Variants in GPR158 observed in about 807,000 individuals in gnomAD.
GPR158 encodes G protein-coupled receptor 158.
Under a neutral mutation model 78.2 loss-of-function variants are expected in GPR158, and 30 were observed. The observed-to-expected ratio is 0.38, with a 90% CI of 0.29 to 0.52. GPR158 has a LOEUF of 0.52. Among genes scored for constraint, GPR158 ranks in the 20% least tolerant of loss-of-function variants. GPR158 has a pLI of 0.83. For synonymous variants in GPR158, 581 were observed against 591.1 expected (o/e 0.98, Z 0.25); for missense variants, 1,463 against 1,523.5 (o/e 0.96, Z 0.66).
chr10:25,353,828 T>A (rs764918349), intron 2 of GPR158, among the ~76,000 whole-genome samples: 10 of 152,202 alleles, frequency 6.6e-5, no homozygotes, highest in African/African-American at 1.9e-4. Context: ...AACCTTGTAA[T>A]TGGAGAATTG....
rs555277200 is a variant in GPR158 at position 25,385,934 on chromosome 10, A to G, written c.1009-9977A>G. 7.2e-5 allele frequency among the ~76,000 whole-genome samples: 11 copies of G among 152,178 alleles called. No homozygotes were observed. The East Asian group carries it at 2.1e-3, about 29-fold the overall frequency. On this transcript the variant is annotated intron_variant, in intron 2 of 10. Coordinates refer to ENST00000376351, the MANE Select transcript of GPR158 (RefSeq NM_020752.3). Reference sequence around the variant, plus strand: ...CTTTTCATTCTGTTGATTGTATTGCATTCTTTGATGCAAATAAGTTTTTAA... The same window carrying G: ...CTTTTCATTCTGTTGATTGTATTGCGTTCTTTGATGCAAATAAGTTTTTAA...
intron 6 of GPR158, among the ~76,000 whole-genome samples, chr10:25,555,165 A>G (rs567252197): frequency 4.4e-4 from 67 of 152,154 alleles, no homozygotes; most frequent in Non-Finnish European, 7.2e-4. Context: ...TGATGCCTCC[A>G]GCTTTGTTCT....
chr10:25,370,354 C>T (rs374756004), intron 2 of GPR158, among the ~76,000 whole-genome samples: 4 of 140,638 alleles, frequency 2.8e-5, no homozygotes, highest in East Asian at 2.0e-4. Context: ...TCCCAGAGAT[C>T]CTGGTATGTT....
chr10:25,334,490 C>T (rs1855170867), intron 2 of GPR158, among the ~76,000 whole-genome samples: 1 of 151,978 alleles, frequency 6.6e-6, no homozygotes, highest in Non-Finnish European at 1.5e-5. Flanking sequence ...CATCAGGAGT[C>T]CAAGTAAGTC....
chr10:25,531,422 A>G (rs999805269), intron 5 of GPR158, among the ~76,000 whole-genome samples: 9 of 152,240 alleles, frequency 5.9e-5, no homozygotes, highest in African/African-American at 2.2e-4. Context: ...GAGGAAGACT[A>G]AAAATATGTG....
intron 4 of GPR158, among the ~76,000 whole-genome samples, chr10:25,416,641 G>A (rs547906384): frequency 6.6e-6 from 1 of 152,150 alleles, no homozygotes; most frequent in Non-Finnish European, 1.5e-5. Flanking sequence ...TTGTAATATA[G>A]GAATAAGTTT....
At chr10:25,177,115 T>C (rs1391696492) in intron 1 of GPR158, among the ~76,000 whole-genome samples, 1 of 152,218 alleles carries the variant, frequency 6.6e-6, no homozygotes. Context: ...GAGGCATCAG[T>C]TGTGACTGAA....
At chr10:25,353,487 GAA>G (rs35135416) in intron 2 of GPR158, among the ~76,000 whole-genome samples, 14,246 of 148,308 alleles carry the variant, frequency 0.096, 1,624 homozygotes, top group African/African-American at 0.28. Flanking sequence ...AATAATAAAA[GAA>G]AAAAAAAATT....
intron 2 of GPR158, among the ~76,000 whole-genome samples, chr10:25,271,462 C>T (rs1004683741): frequency 2.0e-5 from 3 of 152,144 alleles, no homozygotes; most frequent in Admixed American, 2.0e-4. Flanking sequence ...TTACAGGAAG[C>T]CATCTTATTG....
intron 5 of GPR158, among the ~76,000 whole-genome samples, chr10:25,530,542 G>C (rs1387680995): frequency 1.3e-5 from 2 of 152,212 alleles, no homozygotes; most frequent in African/African-American, 4.8e-5. Context: ...GTGTGCTGCA[G>C]CAGGAGTGCT....
intron 2 of GPR158, among the ~76,000 whole-genome samples, chr10:25,316,135 G>A (rs950621723): frequency 6.6e-6 from 1 of 151,996 alleles, no homozygotes; most frequent in Non-Finnish European, 1.5e-5. Flanking sequence ...AACTTATTTG[G>A]TCTTTTTCCT....
At chr10:25,310,683 A>G (rs112760833) in intron 2 of GPR158, among the ~76,000 whole-genome samples, 2,426 of 152,224 alleles carry the variant, frequency 0.016, 70 homozygotes, top group African/African-American at 0.055. Context: ...AGTTAAATAT[A>G]TATCTTTCAA....
intron 2 of GPR158, among the ~76,000 whole-genome samples, chr10:25,248,328 C>A (rs1853732861): frequency 6.6e-6 from 1 of 152,088 alleles, no homozygotes; most frequent in South Asian, 2.1e-4. Context: ...TAATTAGATC[C>A]CATTTGTCAA....
At chr10:25,553,135 G>C (rs1482655809) in intron 6 of GPR158, among the ~76,000 whole-genome samples, 1 of 152,038 alleles carries the variant, frequency 6.6e-6, no homozygotes, top group African/African-American at 2.4e-5. Context: ...TGATAAGGTA[G>C]TGATATAAAG....
At chr10:25,573,171 A>C (rs187962264) in intron 7 of GPR158, among the ~76,000 whole-genome samples, 174 of 152,338 alleles carry the variant, frequency 1.1e-3, no homozygotes, top group African/African-American at 4.0e-3. Flanking sequence ...TAAAGAGCTT[A>C]CTTTTCTCAT....
chr10:25,421,772 G>A (rs1317114037), intron 4 of GPR158, among the ~76,000 whole-genome samples: 1 of 151,846 alleles, frequency 6.6e-6, no homozygotes, highest in Non-Finnish European at 1.5e-5. Context: ...TAAAAAATTT[G>A]GTGCTTTTAT....
intron 5 of GPR158, among the ~76,000 whole-genome samples, chr10:25,511,867 T>A (rs1836090144): frequency 6.6e-6 from 1 of 152,200 alleles, no homozygotes; most frequent in African/African-American, 2.4e-5. Context: ...ATTTCTGGGT[T>A]CTCTATTCTG....
chr10:25,260,756 A>G (rs1853958429), intron 2 of GPR158, among the ~76,000 whole-genome samples: 1 of 152,104 alleles, frequency 6.6e-6, no homozygotes. Context: ...CTCAGGCTCT[A>G]GGTTAGCAAG....
At chr10:25,334,839 AT>A (rs763445485) in intron 2 of GPR158, among the ~76,000 whole-genome samples, 12 of 151,834 alleles carry the variant, frequency 7.9e-5, no homozygotes, top group Non-Finnish European at 1.5e-4. Context: ...GCTTTAGTCT[AT>A]TTGATATTTC....
Sources: gnomAD v4.1 joint callset for allele counts (sites outside exome capture counted in the v4.1 genomes callset) on GRCh38, gnomAD v4.1.1 for gene constraint, MANE v1.5 for transcripts, NCBI Gene and HGNC (gene_info 2026-07-23, HGNC 2026-07-21) for gene names.